Variants in ATR observed in about 807,000 individuals in gnomAD.
ATR encodes the protein ATR checkpoint kinase.
A neutral mutation model predicts 305.3 loss-of-function variants in ATR; 142 were observed. The observed-to-expected ratio is 0.47, with a 90% confidence interval of 0.41 to 0.53. The LOEUF is 0.53. Among genes scored for constraint, ATR ranks in the 20% least tolerant of loss-of-function variants. The probability of loss-of-function intolerance (pLI) is 0.00; values close to 1 mark genes in which losing one functional copy is unlikely to be tolerated. For missense variants in ATR, 2,135 were observed against 3,133.1 expected, an observed-to-expected ratio of 0.68 and a Z score of 7.60; for synonymous variants, 1,050 against 1,068.1, an observed-to-expected ratio of 0.98 and a Z score of 0.33.
At chr3:142,451,025 G>T in intron 46 of ATR, 16 of 1,262,632 alleles carry the variant, frequency 1.3e-5, no homozygotes, top group Middle Eastern at 2.9e-4. Flanking sequence ...CGTCTTAAGA[G>T]ACACCAGTGA....
chr3:142,502,206 C>T (rs2032004476), intron 30 of ATR, among the ~76,000 whole-genome samples: 1 of 152,160 alleles, frequency 6.6e-6, no homozygotes, highest in Admixed American at 6.5e-5. Flanking sequence ...ACAGCAATCC[C>T]ATTACTGGGT....
At chr3:142,489,979 T>C (rs1436427111) in intron 35 of ATR, among the ~76,000 whole-genome samples, 1 of 152,242 alleles carries the variant, frequency 6.6e-6, no homozygotes, top group African/African-American at 2.4e-5. Context: ...TGACTAATGA[T>C]GTTAAGCATC....
chr3:142,490,427 A>G (rs1246789139), intron 35 of ATR, among the ~76,000 whole-genome samples: 1 of 152,178 alleles, frequency 6.6e-6, no homozygotes, highest in African/African-American at 2.4e-5. Flanking sequence ...TCTGTCATAT[A>G]TGTATTACAA....
intron 1 of ATR, among the ~76,000 whole-genome samples, chr3:142,578,294 A>G (rs1406699029): frequency 2.0e-5 from 3 of 152,180 alleles, no homozygotes; most frequent in African/African-American, 7.2e-5. Context: ...AAGGAAAAAG[A>G]TTTTCGAGAA....
intron 16 of ATR, among the ~76,000 whole-genome samples, chr3:142,544,839 C>T (rs2034207915): frequency 1.3e-5 from 2 of 152,114 alleles, no homozygotes; most frequent in Admixed American, 1.3e-4. Flanking sequence ...CAGGATAAAT[C>T]TTTATCTTGC....
chr3:142,568,009 GGAAAA>G (rs1175634788), intron 2 of ATR, 49 bp downstream of exon 2: 27 of 1,366,878 alleles, frequency 2.0e-5, no homozygotes, highest in Non-Finnish European at 2.4e-5. Context: ...ATTTATACAT[GGAAAA>G]GAAAAGTCTA....
At chr3:142,572,580 C>T (rs1359972196) in intron 1 of ATR, among the ~76,000 whole-genome samples, 1 of 151,666 alleles carries the variant, frequency 6.6e-6, no homozygotes, top group Admixed American at 6.6e-5. Flanking sequence ...TGAGACCAGC[C>T]TGAGCAACAT....
At position 142,496,079 on chromosome 3, in the gene ATR, G is replaced by GT. The variant is rs138607799; in HGVS notation, c.5898+281dup. ...AGAGGTCGTTTTCCTCAAGGAAAATGTAAGATAGATGAAAACTGAAAAAAC... is the reference window on the plus strand; with the variant it reads ...AGAGGTCGTTTTCCTCAAGGAAAATGTTAAGATAGATGAAAACTGAAAAAAC... On this transcript the variant is annotated intron_variant, in intron 34 of 46. Coordinates refer to ENST00000350721, the MANE Select transcript of ATR (RefSeq NM_001184.4). Among the ~76,000 whole-genome samples the GT allele has an allele frequency of 1.3e-3, 194 of 151,528 alleles. 2 individuals carry two copies. Among genetic ancestry groups the GT allele is most frequent in the African/African-American group, 4.6e-3 (189 of 41,300 alleles).
intron 3 of ATR, 93 bp downstream of exon 3, chr3:142,566,028 G>A (rs1027298162): frequency 6.0e-5 from 93 of 1,559,568 alleles, no homozygotes; most frequent in Non-Finnish European, 7.8e-5. Context: ...ACCCAAAAAA[G>A]TATAATCCTG....
chr3:142,486,735 A>T (rs2030949169), intron 35 of ATR, among the ~76,000 whole-genome samples: 1 of 152,018 alleles, frequency 6.6e-6, no homozygotes, highest in African/African-American at 2.4e-5. Context: ...TTGATCAATT[A>T]TTACAAATTT....
intron 2 of ATR, among the ~76,000 whole-genome samples, chr3:142,567,510 T>C (rs1286450311): frequency 6.6e-6 from 1 of 152,220 alleles, no homozygotes; most frequent in African/African-American, 2.4e-5. Context: ...ACCCTGAGCC[T>C]AATGCCATTT....
At chr3:142,544,267 G>A (rs1271094803) in intron 16 of ATR, among the ~76,000 whole-genome samples, 1 of 151,438 alleles carries the variant, frequency 6.6e-6, no homozygotes, top group African/African-American at 2.4e-5. Context: ...AGACCAGCCT[G>A]GGTAACATGG....
At position 142,577,622 on chromosome 3, in the gene ATR, C is replaced by T. The variant is rs6788362; in HGVS notation, c.59+1024G>A. Among the ~76,000 whole-genome samples the T allele has an allele frequency of 0.013, 1,923 of 152,310 alleles. 45 individuals are homozygous for T. Among genetic ancestry groups the T allele is most frequent in the African/African-American group, 0.043 (1,787 of 41,556 alleles). ...TGGATGGCCAACCAGTGGAAATGAA[C>T]ACAACTGCGCTGCAAAAAGAAAGAG... On this transcript the variant is annotated intron_variant, in intron 1 of 46. Coordinates refer to ENST00000350721, the MANE Select transcript of ATR (RefSeq NM_001184.4).
chr3:142,496,290 A>ATC (rs2031610197), intron 34 of ATR, 71 bp downstream of exon 34: 1 of 29,912 alleles, frequency 3.3e-5, no homozygotes, highest in Non-Finnish European at 5.4e-5. Context: ...ATATATATAT[A>ATC]TATATATATA....
chr3:142,549,794 T>C (rs1039662689), intron 14 of ATR, 121 bp from the exon 15 acceptor site: 2 of 859,186 alleles, frequency 2.3e-6, no homozygotes, highest in South Asian at 3.3e-5. Flanking sequence ...CTCCATACTA[T>C]AAAATATGTA....
At chr3:142,473,230 A>G (rs997208871) in intron 36 of ATR, among the ~76,000 whole-genome samples, 1 of 152,192 alleles carries the variant, frequency 6.6e-6, no homozygotes, top group Non-Finnish European at 1.5e-5. Context: ...TTACAGCTTC[A>G]GGTCTTACAT....
rs925548908 is a variant in ATR at position 142,502,367 on chromosome 3, A to C, written c.5288+995T>G. On this transcript the variant is annotated intron_variant, in intron 30 of 46. Coordinates refer to ENST00000350721, the MANE Select transcript of ATR (RefSeq NM_001184.4). ...AAAGAAAATGTGGCACATATACACA[A>C]TGGAATACTATGCAGCTATAAAAAA... Among the ~76,000 whole-genome samples the C allele has an allele frequency of 2.0e-5, 3 of 150,956 alleles. No homozygotes were observed. In the South Asian group the frequency reaches 6.3e-4, roughly 32 times the overall value.
rs148890256 is a variant in ATR at position 142,501,638 on chromosome 3, A to T, written c.5288+1724T>A. On this transcript the variant is annotated intron_variant, in intron 30 of 46. Coordinates refer to ENST00000350721, the MANE Select transcript of ATR (RefSeq NM_001184.4). ...GCAGACACTTCTCAAAAGAAGACAT[A>T]CAAGCAGCCAACAAGCATATGAAAA... is the stretch of plus-strand genomic sequence containing the variant. Among the ~76,000 whole-genome samples, 325 of 152,340 alleles carry T rather than the reference A, an allele frequency of 2.1e-3. 1 individual carries two copies. The highest frequency in any genetic ancestry group is 7.7e-3 in the African/African-American group (319 of 41,580).
At chr3:142,557,405 GCTA>G (rs1559992985) in intron 8 of ATR, among the ~76,000 whole-genome samples, 1 of 151,990 alleles carries the variant, frequency 6.6e-6, no homozygotes, top group Non-Finnish European at 1.5e-5. Flanking sequence ...TCCAAATTTG[GCTA>G]CTATTTGGAA....
Sources: allele counts gnomAD v4.1 joint callset (sites outside exome capture counted in the v4.1 genomes callset), GRCh38; gene constraint gnomAD v4.1.1; transcripts MANE v1.5; gene names NCBI Gene and HGNC (gene_info 2026-07-23, HGNC 2026-07-21).